The following RPAIN variants were observed in gnomAD, a reference collection of about 807,000 sequenced individuals.
RPAIN encodes the protein RPA interacting protein, also known as RPA-interacting protein.
In RPAIN, 29 loss-of-function variants were observed where a neutral mutation model predicts 30.5. The observed-to-expected ratio is 0.95, with a 90% CI of 0.71 to 1.30. RPAIN has a LOEUF of 1.30. Among genes scored for constraint, RPAIN ranks in the 50% most tolerant of loss-of-function variants. The pLI is 0.00. For missense variants in RPAIN, 247 were observed against 264.7 expected (o/e 0.93, Z 0.46); for synonymous variants, 101 against 93.5 (o/e 1.08, Z -0.46).
chr17:5,425,784 CAG>C (rs1283927187), intron 3 of RPAIN, among the ~76,000 whole-genome samples, 185 bp from the exon 4 acceptor site: 2 of 152,158 alleles, frequency 1.3e-5, no homozygotes, highest in Non-Finnish European at 2.9e-5. Flanking sequence ...AAAAAGGGGA[CAG>C]AGAGGAGGGA....
chr17:5,426,349 A>G lies in RPAIN; in HGVS notation c.489+50A>G, dbSNP rs1347972523. On this transcript the variant is annotated intron_variant, in intron 5 of 6. Transcript: ENST00000381209. ...ATGATACTTCTTCCCACATGGATCT[A>G]CTTTCTTGAAGATCCTCCAGTGCTG... 6 of 1,491,738 alleles carry G rather than the reference A, an allele frequency of 4.0e-6. No individual in the cohort carries two copies. The East Asian group carries it at 6.8e-5, about 17-fold the overall frequency. The allele number at this position is 1,491,738 out of a possible 1,614,324, so 92.4% of individuals were successfully genotyped here.
intron 2 of RPAIN, 180 bp downstream of exon 2, chr17:5,421,646 G>T (rs4790771): frequency 0.32 from 159,914 of 493,704 alleles, 31,541 homozygotes; most frequent in East Asian, 0.8. Context: ...AGATGAAATG[G>T]TCTGAAATAC....
rs1567582977 is a variant in RPAIN, at chr17:5,420,221, CGTT to C, written c.13_15del (p.Leu5del). On this transcript the variant is annotated inframe_deletion, in exon 1 of 7. Transcript: ENST00000381209. Reference sequence around the variant, plus strand: ...TCCCGCGAAGAGGAGATGGCGGAGTCGTTGAGGTCTCCGCGCCGCTCCCTGTAC... The same window carrying C: ...TCCCGCGAAGAGGAGATGGCGGAGTCGAGGTCTCCGCGCCGCTCCCTGTAC... The C allele has an allele frequency of 1.9e-6, 3 of 1,613,744 alleles. No individual in the cohort carries two copies. The South Asian group carries it at 3.3e-5, about 18-fold the overall frequency.
chr17:5,431,755 G>C, intron 6 of RPAIN: 1 of 417,590 alleles, frequency 2.4e-6, no homozygotes, highest in Non-Finnish European at 4.8e-6. Context: ...CGGATGTGGC[G>C]GTGCTCAAGT....
rs557229093 is a variant in RPAIN at position 5,430,996 on chromosome 17, G to A, written c.631-1546G>A. The A allele has an allele frequency of 9.1e-5, 16 of 175,962 alleles. No homozygotes were observed. The South Asian group carries it at 2.2e-3, about 24-fold the overall frequency. 10.9% of individuals were successfully genotyped at this position (175,962 alleles called of 1,614,324 possible). A position where few individuals can be genotyped will look rare whatever the true frequency, so the allele number is the denominator to read the frequency against. The stretch of plus-strand genomic sequence containing the variant: ...TACAGCTTCAGCTCAGCATATAATT[G>A]TTATGGACCCCAGTTATCCACTCAC... On this transcript the variant is annotated intron_variant, in intron 6 of 6. Coordinates refer to ENST00000381209, the MANE Select transcript of RPAIN (RefSeq NM_001033002.4).
At chr17:5,429,073 G>A in intron 6 of RPAIN, 1 of 984,942 alleles carries the variant, frequency 1.0e-6, no homozygotes, top group East Asian at 1.1e-4. Flanking sequence ...AATGAATTGA[G>A]GACTCATTAA....
At chr17:5,422,673 C>G in intron 2 of RPAIN, 96 bp from the exon 3 acceptor site, 2 of 1,054,684 alleles carry the variant, frequency 1.9e-6, no homozygotes, top group Non-Finnish European at 2.9e-6. Flanking sequence ...TCCAATAAAT[C>G]TGGGTTCTTC....
intron 1 of RPAIN, 130 bp downstream of exon 1, chr17:5,420,421 G>A: frequency 4.2e-6 from 3 of 707,470 alleles, no homozygotes; most frequent in Non-Finnish European, 7.0e-6. Flanking sequence ...ACCCAGGCCT[G>A]CTGACTGTAG....
intron 3 of RPAIN, among the ~76,000 whole-genome samples, chr17:5,424,179 G>C (rs1165806056): frequency 2.0e-5 from 3 of 151,588 alleles, no homozygotes; most frequent in Admixed American, 2.0e-4. Flanking sequence ...TGTAGAGACA[G>C]GGTCTCACTG....
At chr17:5,425,219 T>C (rs561253715) in intron 3 of RPAIN, 33 of 430,536 alleles carry the variant, frequency 7.7e-5, no homozygotes, top group South Asian at 5.2e-4. Flanking sequence ...CCCCTGTGAC[T>C]AGCAGATACT....
At chr17:5,428,714 C>G (rs112942068) in intron 6 of RPAIN, 1 of 994,066 alleles carries the variant, frequency 1.0e-6, no homozygotes, top group African/African-American at 1.7e-5. Context: ...TAGAAGCGTG[C>G]TATAGGAACC....
In RPAIN at chr17:5,426,002, C is replaced by A. The variant is rs1449894175; in HGVS notation, c.345C>A (p.Ser115Arg). 3 of 1,613,908 alleles carry A rather than the reference C, an allele frequency of 1.9e-6. No homozygotes were observed. Among genetic ancestry groups the A allele is most frequent in the Non-Finnish European group, 2.5e-6 (3 of 1,179,884 alleles). ...CCATCATCAGCGAGTATGAGAAGAG[C>A]TTGCAGTTTGATGAAAAGTGTCTCA... is the stretch of plus-strand genomic sequence containing the variant. ...EQSIISEYEK[S>R]LQFDEKCLSI... Residue 115 changes from serine (S) to arginine (R), a missense_variant, in exon 4 of 7, where the codon AGC (serine) becomes AGA (arginine). Physicochemically the swap from Ser to Arg is moderately radical, Grantham distance 110. Transcript: ENST00000381209.
intron 6 of RPAIN, chr17:5,428,512 A>G: frequency 7.2e-7 from 1 of 1,379,430 alleles, no homozygotes; most frequent in East Asian, 2.8e-5. Flanking sequence ...TGGTCATTTC[A>G]TAGTCATAAG....
chr17:5,428,201 T>C lies in RPAIN; in HGVS notation c.620T>C (p.Met207Thr), dbSNP rs770161857. The change falls in exon 6 of 7, where the codon ATG becomes ACG. Residue 207 changes from methionine (M) to threonine (T), a missense_variant. Transcript: ENST00000381209. ...ACAGAAGAAAAGTCCAGTCTTCTCA[T>C]GAGCTGTCTGGTAAGCGTCTCCTGG... is the stretch of plus-strand genomic sequence containing the variant. ...GGTEEKSSLL[M>T]SCLACDTWAV... 8.1e-6 allele frequency: 13 copies of C among 1,610,328 alleles called. No individual in the cohort carries two copies. The highest frequency in any genetic ancestry group is 1.0e-5 in the Non-Finnish European group (12 of 1,176,586).
At chr17:5,431,990 G>A in intron 6 of RPAIN, 2 of 274,504 alleles carry the variant, frequency 7.3e-6, no homozygotes, top group Non-Finnish European at 1.4e-5. Flanking sequence ...TGCAACCTCT[G>A]GCATAAATGG....
chr17:5,423,738 T>G (rs1332326627), intron 3 of RPAIN, among the ~76,000 whole-genome samples: 1 of 152,000 alleles, frequency 6.6e-6, no homozygotes, highest in Non-Finnish European at 1.5e-5. Flanking sequence ...GTAGCCCTGA[T>G]TTGATTAGGC....
intron 5 of RPAIN, chr17:5,427,835 T>C: frequency 3.8e-6 from 2 of 532,994 alleles, no homozygotes; most frequent in Non-Finnish European, 6.8e-6. Context: ...CTGCCATGAG[T>C]GGCCATCAGT....
At chr17:5,426,366 C>G (rs963995713) in intron 5 of RPAIN, 67 bp downstream of exon 5, 17 of 1,340,252 alleles carry the variant, frequency 1.3e-5, no homozygotes, top group Non-Finnish European at 1.6e-5. Flanking sequence ...TGAAGATCCT[C>G]CAGTGCTGAC....
At chr17:5,429,100 T>A in intron 6 of RPAIN, 3 of 985,184 alleles carry the variant, frequency 3.0e-6, no homozygotes, top group Non-Finnish European at 3.6e-6. Context: ...GAAATACACA[T>A]CTCTCACAGA....
Sources: allele counts gnomAD v4.1 joint callset (sites outside exome capture counted in the v4.1 genomes callset), GRCh38; gene constraint gnomAD v4.1.1; transcripts MANE v1.5; gene names NCBI Gene and HGNC (gene_info 2026-07-23, HGNC 2026-07-21).